The following GPHN variants were observed in gnomAD, a reference collection of about 807,000 sequenced individuals.
GPHN encodes the protein gephyrin.
A neutral mutation model predicts 95.5 loss-of-function variants in GPHN; 17 were observed. The observed-to-expected ratio is 0.18, with a 90% CI of 0.12 to 0.27. GPHN has a LOEUF of 0.27. Ranked by LOEUF, GPHN falls within the 10% of genes least tolerant of loss-of-function variation. The pLI is 1.00. For synonymous variants in GPHN, 320 were observed against 322.5 expected (o/e 0.99, Z 0.08); for missense variants, 660 against 978.1 (o/e 0.67, Z 4.34).
chr14:66,540,746 T>A (rs568983784), intron 1 of GPHN, among the ~76,000 whole-genome samples: 58 of 152,294 alleles, frequency 3.8e-4, no homozygotes, highest in Non-Finnish European at 7.8e-4. Flanking sequence ...TAATGTTCAA[T>A]TTAGAGTTCT....
chr14:66,738,335 G>A (rs1433457959), intron 2 of GPHN, among the ~76,000 whole-genome samples: 2 of 152,056 alleles, frequency 1.3e-5, no homozygotes, highest in South Asian at 2.1e-4. Context: ...AGAACAGTCT[G>A]TTGTCACAGA....
the GPHN span, among the ~76,000 whole-genome samples, chr14:67,681,830 C>T: frequency 6.6e-6 from 1 of 152,110 alleles, no homozygotes; most frequent in Non-Finnish European, 1.5e-5. Flanking sequence ...AATGCTACAA[C>T]TATAAGACTA....
At chr14:66,864,343 G>A (rs947229835) in intron 4 of GPHN, among the ~76,000 whole-genome samples, 9 of 152,150 alleles carry the variant, frequency 5.9e-5, no homozygotes, top group Non-Finnish European at 7.3e-5. Context: ...AGAGAAAAGG[G>A]AACCCTTGTA....
At chr14:66,989,610 A>G (rs1332388781) in intron 9 of GPHN, among the ~76,000 whole-genome samples, 3 of 151,238 alleles carry the variant, frequency 2.0e-5, no homozygotes, top group African/African-American at 7.3e-5. Flanking sequence ...AAAATATTAA[A>G]TATAAGGTGT....
At chr14:67,392,618 TA>T in the GPHN span, 1 of 1,557,896 alleles carries the variant, frequency 6.4e-7, no homozygotes, top group Non-Finnish European at 8.8e-7. Context: ...GTGTCTTCCT[TA>T]ACTTTTGCCC....
At chr14:67,029,078 A>G (rs921915713) in intron 10 of GPHN, among the ~76,000 whole-genome samples, 1 of 152,198 alleles carries the variant, frequency 6.6e-6, no homozygotes, top group Non-Finnish European at 1.5e-5. Flanking sequence ...ATTTTTCTGC[A>G]TATGGCTATC....
chr14:67,122,228 A>G, intron 16 of GPHN, 28 bp from the exon 17 acceptor site: 18 of 1,611,170 alleles, frequency 1.1e-5, no homozygotes, highest in Non-Finnish European at 1.4e-5. Context: ...CTAATAGAAT[A>G]ATTTGTGGTG....
chr14:67,585,820 G>A, the GPHN span: 1 of 1,091,606 alleles, frequency 9.2e-7, no homozygotes. Flanking sequence ...AGATATTCAA[G>A]ATGGAGATCT....
chr14:66,996,028 C>A, intron 9 of GPHN: 1 of 549,294 alleles, frequency 1.8e-6, no homozygotes, highest in South Asian at 2.5e-5. Context: ...TGAGTCTTGA[C>A]ATGTTTTCAA....
At chr14:66,608,044 T>TG (rs2062622434) in intron 1 of GPHN, among the ~76,000 whole-genome samples, 2 of 150,952 alleles carry the variant, frequency 1.3e-5, no homozygotes, top group Admixed American at 1.3e-4. Context: ...TTTGTGGTTT[T>TG]TTTTTTTTTT....
chr14:67,403,669 G>T, the GPHN span, among the ~76,000 whole-genome samples: 51 of 152,328 alleles, frequency 3.3e-4, no homozygotes, highest in African/African-American at 1.1e-3. Flanking sequence ...ACGTAGACAA[G>T]AAATTCAAAT....
the GPHN span, chr14:67,727,345 C>CTT: frequency 1.4e-6 from 1 of 714,614 alleles, no homozygotes; most frequent in Admixed American, 2.1e-5. Context: ...AAACAGAGTG[C>CTT]TTGCCCCCAG....
At chr14:67,662,445 T>TA in the GPHN span, 1 of 1,596,996 alleles carries the variant, frequency 6.3e-7, no homozygotes, top group Admixed American at 1.7e-5. Context: ...CAACACCAGG[T>TA]AGAAGAAACA....
chr14:66,719,053 T>C (rs997016394), intron 2 of GPHN, among the ~76,000 whole-genome samples: 2 of 152,170 alleles, frequency 1.3e-5, no homozygotes, highest in Non-Finnish European at 2.9e-5. Flanking sequence ...TCTCCCACCA[T>C]GCCCCTGCTA....
the GPHN span, among the ~76,000 whole-genome samples, chr14:67,595,054 G>A: frequency 1.3e-5 from 2 of 151,530 alleles, no homozygotes; most frequent in South Asian, 2.1e-4. Flanking sequence ...GGAGAATGGC[G>A]TGAACCCAGG....
At chr14:67,437,314 G>C in the GPHN span, among the ~76,000 whole-genome samples, 2 of 152,318 alleles carry the variant, frequency 1.3e-5, no homozygotes, top group South Asian at 4.1e-4. Context: ...TGAAATTGTA[G>C]TGAGTACGCA....
chr14:67,629,880 G>A, the GPHN span, among the ~76,000 whole-genome samples: 2 of 151,958 alleles, frequency 1.3e-5, no homozygotes, highest in African/African-American at 4.8e-5. Flanking sequence ...GCAAATTTTT[G>A]AGTTGTACAT....
chr14:67,724,306 C>G, the GPHN span, among the ~76,000 whole-genome samples: 1 of 152,114 alleles, frequency 6.6e-6, no homozygotes, highest in East Asian at 1.9e-4. Context: ...TACCTTGCCC[C>G]ATGGAAAAAT....
At position 66,778,902 on chromosome 14, in the gene GPHN, A is replaced by C. The variant is rs527836259; in HGVS notation, c.201+2381A>C. Among the ~76,000 whole-genome samples, 6 of 148,840 alleles carry C rather than the reference A, an allele frequency of 4.0e-5. No homozygotes were observed. In the South Asian group the frequency reaches 8.6e-4, roughly 21 times the overall value. On this transcript the variant is annotated intron_variant, in intron 3 of 22. Transcript: ENST00000478722. ...AGGCACATGACACCACACCCAGCTA[A>C]TTTTTTTTTTAATTTTATTTTAGTA...
Sources: allele counts gnomAD v4.1 joint callset (sites outside exome capture counted in the v4.1 genomes callset), GRCh38; gene constraint gnomAD v4.1.1; transcripts MANE v1.5; gene names NCBI Gene and HGNC (gene_info 2026-07-23, HGNC 2026-07-21).